SP2: variants seen among roughly 807,000 people sequenced by gnomAD.
SP2 encodes Sp2 transcription factor.
Under a neutral mutation model 50.1 loss-of-function variants are expected in SP2, and 9 were observed. The ratio of observed to expected loss-of-function variants is 0.18; its 90% confidence interval spans 0.11 to 0.31. The LOEUF (loss-of-function observed/expected upper bound fraction) is 0.31, where lower values mean the gene tolerates loss of function less well. Among genes scored for constraint, SP2 ranks in the 10% least tolerant of loss-of-function variants. SP2 has a pLI of 1.00. For missense variants in SP2, 581 were observed against 806.5 expected (o/e 0.72, Z 3.39); for synonymous variants, 313 against 326.6 (o/e 0.96, Z 0.45).
At chr17:47,897,942 T>C (rs1345356214) in intron 1 of SP2, 2 of 884,484 alleles carry the variant, frequency 2.3e-6, no homozygotes, top group African/African-American at 1.8e-5. Context: ...GTTTTCTAAT[T>C]CTAGTTCTTC....
At chr17:47,912,145 A>G (rs982768392) in intron 1 of SP2, among the ~76,000 whole-genome samples, 30 of 152,252 alleles carry the variant, frequency 2.0e-4, no homozygotes, top group Non-Finnish European at 3.4e-4. Context: ...CTGTTCTTCT[A>G]TATTATAATG....
Position 47,916,965 on chromosome 17 carries a change from C to G in SP2, c.894C>G (p.Val298=). The stretch of plus-strand genomic sequence containing the variant: ...CTGGTGGGGGCCAGCCAGCTGTGGT[C>G]CAGCAGGTCCAGGTGGTGCCCCCCA... ...QSPGGGQPAV[V]QQVQVVPPKA... is the part of the protein sequence containing the mutation. The change falls in exon 3 of 7, where the codon GTC becomes GTG. Residue 298 remains valine, a synonymous_variant. Coordinates refer to ENST00000376741, the MANE Select transcript of SP2 (RefSeq NM_003110.6). This position sits in a 1 kb window ranked among gnomAD's most constrained non-coding sequence, Gnocchi z 4.7. 1 of 1,614,170 alleles carries G rather than the reference C, an allele frequency of 6.2e-7. No homozygotes were observed. Among genetic ancestry groups the G allele is most frequent in the Non-Finnish European group, 8.5e-7 (1 of 1,180,008 alleles).
Position 47,925,044 on chromosome 17 carries a change from C to T in SP2, c.1498C>T (p.Arg500Trp). The change falls in exon 5 of 7, where the codon CGG becomes TGG. Residue 500 changes from arginine (R) to tryptophan (W), a missense_variant. Transcript: ENST00000376741. ...CGGAGAGACCCAGCCCGGGGAGAAGCGGCGCCGCATGGCCTGCACGTGTCC... is the reference window on the plus strand; with the variant it reads ...CGGAGAGACCCAGCCCGGGGAGAAGTGGCGCCGCATGGCCTGCACGTGTCC... ...LAGETQPGEKRRRMACTCPNC... is the reference protein window; with the variant it reads ...LAGETQPGEKWRRMACTCPNC... The T allele has an allele frequency of 6.2e-7, 1 of 1,614,032 alleles. No homozygotes were observed. The highest frequency in any genetic ancestry group is 8.5e-7 in the Non-Finnish European group (1 of 1,179,938).
chr17:47,922,978 C>G lies in SP2; in HGVS notation c.1076C>G (p.Pro359Arg). 2 of 1,612,792 alleles carry G rather than the reference C, an allele frequency of 1.2e-6. No individual in the cohort carries two copies. The highest frequency in any genetic ancestry group is 1.7e-6 in the Non-Finnish European group (2 of 1,178,904). ...CCCTCCCAGGTCTACATCCGCACGC[C>G]TTCCGGTGAGGTGCAGACAGTCCTT... The part of the protein sequence containing the change: ...PTPTQVYIRT[P>R]SGEVQTVLVQ... The change falls in exon 4 of 7, where the codon CCT (proline) becomes CGT (arginine). Residue 359 changes from proline (P) to arginine (R), a missense_variant. Pro to Arg is a moderately radical substitution (Grantham distance 103). Around this residue, in one of 2 missense-constraint regions of SP2, gnomAD observed 397 missense variants for 491.0 expected, o/e 0.81. Transcript: ENST00000376741.
chr17:47,922,681 ACTG>A (rs2035506330), intron 3 of SP2, among the ~76,000 whole-genome samples: 1 of 152,162 alleles, frequency 6.6e-6, no homozygotes, highest in Admixed American at 6.5e-5. Context: ...TTCACAGTGC[ACTG>A]CCTTCTAAAT....
chr17:47,918,852 G>A (rs960946013), intron 3 of SP2, among the ~76,000 whole-genome samples: 1 of 152,198 alleles, frequency 6.6e-6, no homozygotes, highest in African/African-American at 2.4e-5. Flanking sequence ...TGTAAATAAA[G>A]TTTAATTGGA....
chr17:47,917,793 C>T, intron 3 of SP2: 1 of 444,696 alleles, frequency 2.2e-6, no homozygotes. Flanking sequence ...CTGCTTCCTG[C>T]CAAACTGGGA....
At chr17:47,920,566 A>C (rs2035411881) in intron 3 of SP2, among the ~76,000 whole-genome samples, 1 of 151,070 alleles carries the variant, frequency 6.6e-6, no homozygotes, top group Admixed American at 6.6e-5. Flanking sequence ...GATTACAGGC[A>C]TGAGCCACCG....
chr17:47,896,519 G>GC (rs1304638574), intron 1 of SP2, among the ~76,000 whole-genome samples: 1 of 151,996 alleles, frequency 6.6e-6, no homozygotes, highest in Non-Finnish European at 1.5e-5. Flanking sequence ...TCGACTCCCC[G>GC]CCCCCTCGGA....
At chr17:47,917,375 TG>T (rs931069239) in intron 3 of SP2, among the ~76,000 whole-genome samples, 8 of 152,190 alleles carry the variant, frequency 5.3e-5, no homozygotes, top group Non-Finnish European at 1.0e-4. Flanking sequence ...CCTTATAGGT[TG>T]TTTTTTTTCA....
chr17:47,928,832 G>C lies in SP2; in HGVS notation c.*1008G>C, dbSNP rs1379929036. On this transcript the variant is annotated 3_prime_UTR_variant, in exon 7 of 7. Coordinates refer to ENST00000376741, the MANE Select transcript of SP2 (RefSeq NM_003110.6). ...ACTTTATTTTTAGTTGTAACTGCTT[G>C]AGGTATGTTTTATGAATTAAGTGAC... 6.6e-6 allele frequency: 1 copy of C among 152,630 alleles called. No individual in the cohort carries two copies. Among genetic ancestry groups the C allele is most frequent in the Non-Finnish European group, 1.5e-5 (1 of 68,044 alleles). The allele number at this position is 152,630 out of a possible 1,614,324, so 9.5% of individuals were successfully genotyped here.
intron 1 of SP2, chr17:47,897,765 A>G: frequency 3.4e-6 from 2 of 594,514 alleles, no homozygotes; most frequent in Non-Finnish European, 4.2e-6. Context: ...TGCAATAATG[A>G]ATATAACTGC....
intron 6 of SP2, among the ~76,000 whole-genome samples, chr17:47,927,179 C>T (rs527972674): frequency 1.4e-4 from 21 of 152,026 alleles, no homozygotes; most frequent in Non-Finnish European, 2.4e-4. Flanking sequence ...GGAATGGGAA[C>T]GAAATAGACT....
chr17:47,922,969 T>A lies in SP2; in HGVS notation c.1067T>A (p.Ile356Asn), dbSNP rs1320806179. 6.2e-7 allele frequency: 1 copy of A among 1,611,620 alleles called. No individual in the cohort carries two copies. Among genetic ancestry groups the A allele is most frequent in the Admixed American group, 1.7e-5 (1 of 59,958 alleles). ...TTCTCTGGCCCCTCCCAGGTCTACATCCGCACGCCTTCCGGTGAGGTGCAG... is the reference window on the plus strand; with the variant it reads ...TTCTCTGGCCCCTCCCAGGTCTACAACCGCACGCCTTCCGGTGAGGTGCAG... ...AAEPTPTQVY[I>N]RTPSGEVQTV... Residue 356 changes from isoleucine (I) to asparagine (N), a missense_variant, in exon 4 of 7, where the codon ATC becomes AAC. Physicochemically the swap from Ile to Asn is moderately radical, Grantham distance 149 (BLOSUM62 -3). Coordinates refer to ENST00000376741, the MANE Select transcript of SP2 (RefSeq NM_003110.6).
rs180839405 is a variant in SP2 at position 47,917,169 on chromosome 17, G to T, written c.1059+39G>T. On this transcript the variant is annotated intron_variant, in intron 3 of 6. Coordinates refer to ENST00000376741, the MANE Select transcript of SP2 (RefSeq NM_003110.6). ...TGTACTGTCCTCCTTCTCCTCCTCT[G>T]GTTATCTCTTTTTGGCTTGCTTTGA... 2.7e-4 allele frequency: 411 copies of T among 1,541,138 alleles called. 2 individuals carry two copies. The East Asian group carries it at 8.5e-3, about 32-fold the overall frequency.
In SP2 at chr17:47,903,984, C is replaced by A. The variant is rs1189593777; in HGVS notation, c.7+7691C>A. Among the ~76,000 whole-genome samples, 3 of 149,388 alleles carry A rather than the reference C, an allele frequency of 2.0e-5. No homozygotes were observed. In the East Asian group the frequency reaches 5.9e-4, roughly 30 times the overall value. ...TCTCAAAAAAAAAAAAGAAGTAGGC[C>A]AGGTGCAGTGGCTCATGCCTGTAAT... On this transcript the variant is annotated intron_variant, in intron 1 of 6. Transcript: ENST00000376741.
intron 1 of SP2, among the ~76,000 whole-genome samples, chr17:47,900,641 G>A (rs933446521): frequency 6.6e-6 from 1 of 152,284 alleles, no homozygotes; most frequent in South Asian, 2.1e-4. Context: ...GCCATGTGTG[G>A]TGGCACACGC....
At chr17:47,918,171 T>C (rs1423675703) in intron 3 of SP2, among the ~76,000 whole-genome samples, 4 of 152,116 alleles carry the variant, frequency 2.6e-5, no homozygotes, top group Non-Finnish European at 5.9e-5. Context: ...TATGACCTAG[T>C]TGTCTATAGA....
At chr17:47,919,920 T>TC (rs1310189061) in intron 3 of SP2, among the ~76,000 whole-genome samples, 3 of 139,460 alleles carry the variant, frequency 2.2e-5, no homozygotes. Context: ...CACTGCAACC[T>TC]CCAACTCCTG....
Sources: allele counts gnomAD v4.1 joint callset (sites outside exome capture counted in the v4.1 genomes callset), GRCh38; gene constraint gnomAD v4.1.1; regional missense constraint gnomAD v4.1.1; non-coding constraint Gnocchi (gnomAD v3.1); transcripts MANE v1.5; gene names NCBI Gene and HGNC (gene_info 2026-07-23, HGNC 2026-07-21).